The following ZFHX3 variants were observed in gnomAD, a reference collection of about 807,000 sequenced individuals.
ZFHX3 encodes the protein zinc finger homeobox 3.
A neutral mutation model predicts 279.1 loss-of-function variants in ZFHX3; 42 were observed. That is an observed-to-expected ratio of 0.15 (90% CI 0.12 to 0.19). The LOEUF is 0.19. Ranked by LOEUF, ZFHX3 falls within the 10% of genes least tolerant of loss-of-function variation. The pLI, the probability that ZFHX3 is intolerant of heterozygous loss-of-function variation, is 1.00. For synonymous variants in ZFHX3, 2,293 were observed against 1,957.8 expected, an observed-to-expected ratio of 1.17 and a Z score of -4.52; for missense variants, 4,981 against 4,754.0, an observed-to-expected ratio of 1.05 and a Z score of -1.40.
intron 5 of ZFHX3, among the ~76,000 whole-genome samples, chr16:73,228,322 G>A (rs1431925655): frequency 6.6e-6 from 1 of 152,116 alleles, no homozygotes; most frequent in Non-Finnish European, 1.5e-5. Context: ...AATATTATGT[G>A]TTAAAACATT....
chr16:73,143,381 T>C (rs1966852475), intron 6 of ZFHX3, among the ~76,000 whole-genome samples: 1 of 152,026 alleles, frequency 6.6e-6, no homozygotes, highest in Non-Finnish European at 1.5e-5. Flanking sequence ...AAAGATAACA[T>C]TGGCAGAGAC....
intron 1 of ZFHX3, among the ~76,000 whole-genome samples, chr16:73,760,330 C>A (rs1049736077): frequency 1.3e-5 from 2 of 152,084 alleles, no homozygotes; most frequent in Admixed American, 1.3e-4. Context: ...GAGGACCAGA[C>A]GGATTTACAG....
intron 4 of ZFHX3, among the ~76,000 whole-genome samples, chr16:72,833,478 G>A (rs1048908434): frequency 1.3e-5 from 2 of 152,154 alleles, no homozygotes; most frequent in Non-Finnish European, 2.9e-5. Context: ...ATGGACTGAT[G>A]ATCGGTTTTA....
At chr16:72,942,464 A>C (rs944946310) in intron 3 of ZFHX3, among the ~76,000 whole-genome samples, 1 of 152,210 alleles carries the variant, frequency 6.6e-6, no homozygotes, top group Admixed American at 6.5e-5. Context: ...TTTCTCTCTC[A>C]TAAGAAGGTC....
intron 4 of ZFHX3, among the ~76,000 whole-genome samples, chr16:72,875,927 T>C (rs1761983182): frequency 6.6e-6 from 1 of 152,192 alleles, no homozygotes; most frequent in South Asian, 2.1e-4. Flanking sequence ...CCTGTGATGA[T>C]AACTCCAGCC....
intron 2 of ZFHX3, among the ~76,000 whole-genome samples, chr16:73,465,557 T>C (rs8056270): frequency 1.3e-5 from 2 of 151,994 alleles, no homozygotes; most frequent in Non-Finnish European, 2.9e-5. Context: ...GTCCACACTC[T>C]CTAGCTCAGC....
At chr16:73,282,145 T>G (rs1425061402) in intron 4 of ZFHX3, among the ~76,000 whole-genome samples, 1 of 152,188 alleles carries the variant, frequency 6.6e-6, no homozygotes, top group East Asian at 1.9e-4. Context: ...CCCTTTGTAT[T>G]TTTCCCCCAC....
Position 72,958,736 on chromosome 16 carries a change from T to C in ZFHX3, c.1410A>G (p.Glu470=), listed in dbSNP as rs1961395830. ...EEEAEEEEEE[E]EAEEEEEEEE... ...CTTCTTCCTCCTCCTCCTCCGCCTC[T>C]TCCTCCTCCTCTTCCTCCTCCGCCT... is the stretch of plus-strand genomic sequence containing the variant. Residue 470 remains glutamate (E), a synonymous_variant, in exon 2 of 10, where the codon GAA becomes GAG. Transcript: ENST00000268489. 6.2e-7 allele frequency: 1 copy of C among 1,608,922 alleles called. No homozygotes were observed. The highest frequency in any genetic ancestry group is 8.5e-7 in the Non-Finnish European group (1 of 1,176,016).
intron 1 of ZFHX3, among the ~76,000 whole-genome samples, chr16:73,868,065 C>G (rs992713613): frequency 1.3e-5 from 2 of 152,220 alleles, no homozygotes; most frequent in Non-Finnish European, 2.9e-5. Context: ...GTCTTCTTGT[C>G]TCTGGTTGAT....
intron 5 of ZFHX3, chr16:73,232,362 G>A (rs1567424975): frequency 6.6e-6 from 1 of 152,320 alleles, no homozygotes; most frequent in East Asian, 1.9e-4. Context: ...AGCTTGCAGA[G>A]GTAGCAGGCA....
intron 4 of ZFHX3, among the ~76,000 whole-genome samples, chr16:72,859,716 C>T (rs2037836370): frequency 6.6e-6 from 1 of 152,166 alleles, no homozygotes; most frequent in African/African-American, 2.4e-5. Context: ...ATCCTTTAGT[C>T]TACAAGGAGT....
At chr16:73,367,702 A>G (rs959961290) in intron 3 of ZFHX3, among the ~76,000 whole-genome samples, 5 of 152,160 alleles carry the variant, frequency 3.3e-5, no homozygotes, top group Admixed American at 6.5e-5. Context: ...AGTCAAATCA[A>G]CGGTATCCTC....
At chr16:73,180,248 T>C (rs1332870396) in intron 5 of ZFHX3, among the ~76,000 whole-genome samples, 1 of 152,128 alleles carries the variant, frequency 6.6e-6, no homozygotes, top group African/African-American at 2.4e-5. Context: ...CAGATCCAAA[T>C]ATTTGTAGGG....
At chr16:73,093,326 C>T (rs1022708839) in exon 8 of ZFHX3, 2 of 416,292 alleles carry the variant, frequency 4.8e-6, no homozygotes, top group African/African-American at 4.1e-5. Flanking sequence ...ATATTGAAAG[C>T]CAGAAGTGTG....
At chr16:73,662,542 T>C (rs2052796451) in intron 2 of ZFHX3, among the ~76,000 whole-genome samples, 1 of 152,044 alleles carries the variant, frequency 6.6e-6, no homozygotes, top group Non-Finnish European at 1.5e-5. Context: ...TTTAGAACAA[T>C]AAATAAATAA....
chr16:73,430,423 T>C (rs1468979505), intron 3 of ZFHX3, among the ~76,000 whole-genome samples: 1 of 152,212 alleles, frequency 6.6e-6, no homozygotes, highest in Non-Finnish European at 1.5e-5. Context: ...CTACCTCAGC[T>C]ACACCACACC....
chr16:73,824,381 CTTTT>C (rs770822715), intron 1 of ZFHX3, among the ~76,000 whole-genome samples: 66 of 112,162 alleles, frequency 5.9e-4, no homozygotes, highest in African/African-American at 1.9e-3. Context: ...CAAATAATTT[CTTTT>C]TTTTTTTTTT....
At chr16:73,451,410 TC>T (rs1404303799) in intron 3 of ZFHX3, among the ~76,000 whole-genome samples, 2 of 152,232 alleles carry the variant, frequency 1.3e-5, no homozygotes, top group Non-Finnish European at 2.9e-5. Flanking sequence ...AAATTTTTTC[TC>T]CCTAATATTT....
chr16:72,998,052 C>A (rs754687875), intron 1 of ZFHX3, among the ~76,000 whole-genome samples: 1 of 151,628 alleles, frequency 6.6e-6, no homozygotes, highest in Admixed American at 6.6e-5. Context: ...ACTGTACTCC[C>A]GTGATTTAAA....
Sources: allele counts gnomAD v4.1 joint callset (sites outside exome capture counted in the v4.1 genomes callset), GRCh38; gene constraint gnomAD v4.1.1; transcripts MANE v1.5; gene names NCBI Gene and HGNC (gene_info 2026-07-23, HGNC 2026-07-21).